The following DOK5 variants were observed in gnomAD, a reference collection of about 807,000 sequenced individuals.
The protein encoded by DOK5 is docking protein 5.
Under a neutral mutation model 43.3 loss-of-function variants are expected in DOK5, and 27 were observed. The observed-to-expected ratio is 0.62, with a 90% CI of 0.46 to 0.86. The LOEUF (loss-of-function observed/expected upper bound fraction) is 0.86, where lower values mean the gene tolerates loss of function less well. Among genes scored for constraint, DOK5 ranks in the 40% least tolerant of loss-of-function variants. The probability of loss-of-function intolerance (pLI) is 0.00; values close to 1 mark genes in which losing one functional copy is unlikely to be tolerated. For synonymous variants in DOK5, 146 were observed against 140.1 expected, an observed-to-expected ratio of 1.04 and a Z score of -0.30; for missense variants, 373 against 392.9, an observed-to-expected ratio of 0.95 and a Z score of 0.43.
At chr20:54,594,304 A>T (rs1435226321) in intron 5 of DOK5, among the ~76,000 whole-genome samples, 2 of 152,300 alleles carry the variant, frequency 1.3e-5, no homozygotes, top group Admixed American at 6.5e-5. Flanking sequence ...AGGTGGGAGG[A>T]TCACTTGAGC....
At chr20:54,633,987 A>C (rs534189821) in intron 6 of DOK5, among the ~76,000 whole-genome samples, 6 of 152,342 alleles carry the variant, frequency 3.9e-5, no homozygotes, top group African/African-American at 1.4e-4. Flanking sequence ...TGCAGTATTG[A>C]GGCTAAGACC....
Position 54,506,434 on chromosome 20 carries a change from A to G in DOK5, c.66+30422A>G, listed in dbSNP as rs79946762. ...CATTATTACTGAAGGCTTACTCAATACATGCCATTTTATTTCTTTAAATTT... is the reference window on the plus strand; with the variant it reads ...CATTATTACTGAAGGCTTACTCAATGCATGCCATTTTATTTCTTTAAATTT... On this transcript the variant is annotated intron_variant, in intron 1 of 7. Transcript: ENST00000262593. Among the ~76,000 whole-genome samples, 1,485 of 152,274 alleles carry G rather than the reference A, an allele frequency of 9.8e-3. 27 individuals are homozygous for G. Among genetic ancestry groups the G allele is most frequent in the African/African-American group, 0.034 (1,394 of 41,550 alleles).
chr20:54,475,848 T>A lies in DOK5; in HGVS notation c.-99T>A. On this transcript the variant is annotated 5_prime_UTR_variant, in exon 1 of 8. Transcript: ENST00000262593. This position sits in a 1 kb window ranked among gnomAD's most constrained non-coding sequence, Gnocchi z 4.2. ...CGAAGCAGCTTCACCTCTCCAACTT[T>A]CTCCCACCGACTGCTTGTCTTGACC... The A allele has an allele frequency of 6.8e-7, 1 of 1,469,612 alleles. No individual in the cohort carries two copies. Among genetic ancestry groups the A allele is most frequent in the Non-Finnish European group, 9.4e-7 (1 of 1,067,896 alleles). 91.0% of individuals were successfully genotyped at this position (1,469,612 alleles called of 1,614,324 possible). A position where few individuals can be genotyped will look rare whatever the true frequency, so the allele number is the denominator to read the frequency against.
intron 5 of DOK5, among the ~76,000 whole-genome samples, chr20:54,603,134 G>A (rs2146783859): frequency 6.6e-6 from 1 of 152,350 alleles, no homozygotes; most frequent in South Asian, 2.1e-4. Flanking sequence ...CAACCATCAT[G>A]AAAGTTGTTT....
intron 5 of DOK5, among the ~76,000 whole-genome samples, chr20:54,598,017 C>T (rs1212684474): frequency 6.6e-6 from 1 of 152,100 alleles, no homozygotes; most frequent in Non-Finnish European, 1.5e-5. Context: ...TATAAATGTT[C>T]TTAGTTTGAC....
chr20:54,571,568 C>T (rs2146748196), intron 2 of DOK5, among the ~76,000 whole-genome samples: 1 of 152,212 alleles, frequency 6.6e-6, no homozygotes, highest in Admixed American at 6.5e-5. Context: ...CAACCAGATG[C>T]CAGTACATCT....
chr20:54,578,233 G>C (rs959897232), intron 2 of DOK5, among the ~76,000 whole-genome samples: 3 of 152,074 alleles, frequency 2.0e-5, no homozygotes, highest in African/African-American at 7.2e-5. Context: ...TCAAAAATCA[G>C]ATTAAATATA....
At chr20:54,496,640 C>T in intron 1 of DOK5, among the ~76,000 whole-genome samples, 1 of 151,838 alleles carries the variant, frequency 6.6e-6, no homozygotes, top group Non-Finnish European at 1.5e-5. Context: ...GTGGCAGGCG[C>T]CTGTAGTCCC....
At chr20:54,613,202 C>G (rs769235070) in intron 6 of DOK5, among the ~76,000 whole-genome samples, 8,906 of 151,600 alleles carry the variant, frequency 0.059, 299 homozygotes, top group Middle Eastern at 0.095. Flanking sequence ...ATCTCTCTCT[C>G]TCTCTCTCTC....
At chr20:54,586,744 G>A (rs577772668) in intron 2 of DOK5, among the ~76,000 whole-genome samples, 1 of 152,290 alleles carries the variant, frequency 6.6e-6, no homozygotes, top group South Asian at 2.1e-4. Context: ...TGAGACCCAT[G>A]TGGGAATGGG....
intron 6 of DOK5, among the ~76,000 whole-genome samples, chr20:54,625,126 G>T (rs573236737): frequency 6.6e-6 from 1 of 152,266 alleles, no homozygotes; most frequent in African/African-American, 2.4e-5. Flanking sequence ...TCCTCCAAAT[G>T]TCAGAACAAA....
At chr20:54,477,173 G>T (rs751581392) in intron 1 of DOK5, among the ~76,000 whole-genome samples, 6 of 152,150 alleles carry the variant, frequency 3.9e-5, no homozygotes, top group Non-Finnish European at 7.3e-5. Context: ...TTAGAAATAT[G>T]TGTCATTTGG....
At chr20:54,638,944 G>C (rs1978980944) in intron 6 of DOK5, among the ~76,000 whole-genome samples, 1 of 151,170 alleles carries the variant, frequency 6.6e-6, no homozygotes, top group African/African-American at 2.5e-5. Context: ...GCCTCCCAAA[G>C]TGCTAGGATT....
chr20:54,650,315 A>G (rs763134002), intron 7 of DOK5, 100 bp from the exon 8 acceptor site: 9 of 1,178,316 alleles, frequency 7.6e-6, no homozygotes, highest in African/African-American at 1.5e-5. Context: ...TGCCTTAAGT[A>G]CATTTACTTA....
intron 1 of DOK5, among the ~76,000 whole-genome samples, chr20:54,536,602 C>G (rs1478662961): frequency 6.6e-6 from 1 of 152,152 alleles, no homozygotes; most frequent in Non-Finnish European, 1.5e-5. Context: ...CCCAGAAACC[C>G]CAATAGGCAC....
intron 6 of DOK5, among the ~76,000 whole-genome samples, chr20:54,639,004 A>T (rs919225706): frequency 2.6e-5 from 4 of 151,958 alleles, no homozygotes; most frequent in Non-Finnish European, 5.9e-5. Context: ...ATTGCCACTG[A>T]GCTCAGATGT....
chr20:54,630,191 T>G (rs1978497144), intron 6 of DOK5, among the ~76,000 whole-genome samples: 1 of 152,120 alleles, frequency 6.6e-6, no homozygotes, highest in Admixed American at 6.6e-5. Flanking sequence ...TAGGTGAGCA[T>G]CGGGGTACGG....
intron 6 of DOK5, among the ~76,000 whole-genome samples, chr20:54,633,100 A>T (rs750204857): frequency 3.1e-5 from 2 of 63,644 alleles, no homozygotes; most frequent in African/African-American, 1.1e-3. Flanking sequence ...AACAAAAAAC[A>T]AAAAAAACAA....
Position 54,591,646 on chromosome 20 carries a change from C to T in DOK5, c.440C>T (p.Pro147Leu). The T allele has an allele frequency of 6.2e-7, 1 of 1,611,794 alleles. No homozygotes were observed. Among genetic ancestry groups the T allele is most frequent in the Non-Finnish European group, 8.5e-7 (1 of 1,179,140 alleles). Residue 147 changes from proline to leucine, a missense_variant, in exon 5 of 8, where the codon CCT (proline) becomes CTT (leucine). Physicochemically the swap from Pro to Leu is moderately conservative, Grantham distance 98. Coordinates refer to ENST00000262593, the MANE Select transcript of DOK5 (RefSeq NM_018431.5). ...ERFNVYLMPS[P>L]NLDVHGECAL... is the part of the protein sequence containing the mutation. ...TTCAATGTGTATTTGATGCCATCTC[C>T]TAACTTAGATGTACATGGCGAATGT...
Sources: allele counts gnomAD v4.1 joint callset (sites outside exome capture counted in the v4.1 genomes callset), GRCh38; gene constraint gnomAD v4.1.1; non-coding constraint Gnocchi (gnomAD v3.1); transcripts MANE v1.5; gene names NCBI Gene and HGNC (gene_info 2026-07-23, HGNC 2026-07-21).